The following EHF variants were observed in gnomAD, a reference collection of about 807,000 sequenced individuals.
EHF encodes ESE3 transcription factor.
In EHF, 14 loss-of-function variants were observed where a neutral mutation model predicts 45.1. The ratio of observed to expected loss-of-function variants is 0.31; its 90% CI spans 0.21 to 0.49. The LOEUF is 0.49. Among genes scored for constraint, EHF ranks in the 20% least tolerant of loss-of-function variants. EHF has a pLI of 0.99. For synonymous variants in EHF, 136 were observed against 131.8 expected (o/e 1.03, Z -0.22); for missense variants, 282 against 371.4 (o/e 0.76, Z 1.98).
chr11:34,627,548 A>G (rs1017113655), intron 1 of EHF, among the ~76,000 whole-genome samples: 4 of 152,090 alleles, frequency 2.6e-5, no homozygotes, highest in Non-Finnish European at 2.9e-5. Flanking sequence ...TTGGGAAAAA[A>G]AATTCTACTT....
intron 1 of EHF, chr11:34,622,087 T>C (rs1202270290): frequency 1.3e-5 from 2 of 158,092 alleles, no homozygotes; most frequent in African/African-American, 4.8e-5. Context: ...AGACAGGGAT[T>C]CTTTTGATTT....
At chr11:34,647,254 T>C (rs1269861360) in intron 3 of EHF, among the ~76,000 whole-genome samples, 1 of 151,984 alleles carries the variant, frequency 6.6e-6, no homozygotes, top group South Asian at 2.1e-4. Context: ...AAAAAAAGGG[T>C]TAGAACATAT....
chr11:34,624,092 T>G (rs1852167754), intron 1 of EHF, among the ~76,000 whole-genome samples: 1 of 152,226 alleles, frequency 6.6e-6, no homozygotes, highest in Non-Finnish European at 1.5e-5. Context: ...GAACTCAATC[T>G]AAAGCTTGAA....
intron 2 of EHF, among the ~76,000 whole-genome samples, chr11:34,645,471 G>A (rs902664269): frequency 6.6e-6 from 1 of 152,090 alleles, no homozygotes; most frequent in Admixed American, 6.6e-5. Flanking sequence ...TTTTTTAGGT[G>A]ATACAAAGAC....
In EHF at chr11:34,657,720, G is replaced by T. The variant is rs187398093; in HGVS notation, c.607+750G>T. Among the ~76,000 whole-genome samples, 737 of 151,928 alleles carry T rather than the reference G, an allele frequency of 4.9e-3. 26 individuals carry two copies. The highest frequency in any genetic ancestry group is 0.046 in the Admixed American group (697 of 15,248). On this transcript the variant is annotated intron_variant, in intron 7 of 8. Transcript: ENST00000257831. ...CAGGAGGATTGCTTGAGCCAGGGAG[G>T]TCTAGGCTGTGATGAACTGTAATTG... is the stretch of plus-strand genomic sequence containing the variant.
intron 7 of EHF, among the ~76,000 whole-genome samples, chr11:34,657,863 C>T (rs1410506237): frequency 6.9e-6 from 1 of 144,386 alleles, no homozygotes; most frequent in Non-Finnish European, 1.5e-5. Context: ...CACATAATCC[C>T]ACAAAACCAT....
At chr11:34,644,758 G>T (rs1479000751) in intron 2 of EHF, among the ~76,000 whole-genome samples, 1 of 152,186 alleles carries the variant, frequency 6.6e-6, no homozygotes, top group Admixed American at 6.5e-5. Context: ...CCTTTCTGAG[G>T]CCTTTAGCTA....
intron 1 of EHF, among the ~76,000 whole-genome samples, chr11:34,637,603 T>G (rs1344942918): frequency 6.6e-6 from 1 of 152,214 alleles, no homozygotes; most frequent in Non-Finnish European, 1.5e-5. Context: ...ACTTGCTGCC[T>G]AAGGCTAAAT....
chr11:34,658,578 T>C lies in EHF; in HGVS notation c.653T>C (p.Leu218Ser). 6.2e-7 allele frequency: 1 copy of C among 1,613,622 alleles called. No homozygotes were observed. Among genetic ancestry groups the C allele is most frequent in the Non-Finnish European group, 8.5e-7 (1 of 1,179,696 alleles). The change falls in exon 8 of 9, where the codon TTG becomes TCG. Residue 218 changes from leucine (L) to serine (S), a missense_variant. Coordinates refer to ENST00000257831, the MANE Select transcript of EHF (RefSeq NM_012153.6). The part of the protein sequence containing the change: ...HLWEFIRDIL[L>S]NPDKNPGLIK... ...TGGGAATTCATCCGCGACATCCTCT[T>C]GAACCCAGACAAGAACCCAGGATTA... is the stretch of plus-strand genomic sequence containing the variant.
chr11:34,651,896 G>A (rs191141466), intron 6 of EHF, 91 bp downstream of exon 6: 2 of 1,281,692 alleles, frequency 1.6e-6, no homozygotes, highest in East Asian at 2.3e-5. Context: ...TGCCTTTCTG[G>A]AGTCTTTCTA....
intron 1 of EHF, among the ~76,000 whole-genome samples, chr11:34,624,825 C>T (rs114023237): frequency 0.014 from 2,093 of 152,250 alleles, 55 homozygotes; most frequent in African/African-American, 0.047. Flanking sequence ...GTGATGGGAG[C>T]ACAGTGCAGG....
chr11:34,625,675 T>G (rs896517607), intron 1 of EHF, among the ~76,000 whole-genome samples: 9 of 152,218 alleles, frequency 5.9e-5, no homozygotes, highest in African/African-American at 2.2e-4. Context: ...GGGTTTTAAT[T>G]GACCTTGTTT....
intron 1 of EHF, among the ~76,000 whole-genome samples, chr11:34,629,855 CA>C (rs1422983816): frequency 1.0e-5 from 1 of 99,432 alleles, no homozygotes; most frequent in Non-Finnish European, 2.4e-5. Flanking sequence ...CTTCATTTCC[CA>C]AGGTTTTTTT....
chr11:34,634,750 A>G (rs1329210600), intron 1 of EHF, among the ~76,000 whole-genome samples: 2 of 152,210 alleles, frequency 1.3e-5, no homozygotes, highest in Admixed American at 6.5e-5. Context: ...TTATGCATGC[A>G]TATGAATATA....
intron 7 of EHF, among the ~76,000 whole-genome samples, chr11:34,657,359 C>G (rs1855766716): frequency 6.6e-6 from 1 of 152,172 alleles, no homozygotes; most frequent in African/African-American, 2.4e-5. Context: ...GGCCTCCTAC[C>G]TTTGTGGAGT....
At chr11:34,646,899 A>G in intron 3 of EHF, 2 of 583,578 alleles carry the variant, frequency 3.4e-6, no homozygotes, top group East Asian at 3.1e-5. Context: ...ATGCCAGTGT[A>G]ATTTAATTCT....
chr11:34,658,859 G>A lies in EHF; in HGVS notation c.831G>A (p.Glu277=), dbSNP rs139008764. The change falls in exon 9 of 9, where the codon GAG becomes GAA. Residue 277 remains glutamate (E), a synonymous_variant. Transcript: ENST00000257831. ...MRYYYKREIL[E]RVDGRRLVYK... is the part of the protein sequence containing the mutation. Reference sequence around the variant, plus strand: ...ATTACTACAAAAGAGAAATTCTGGAGCGTGTGGATGGACGAAGACTGGTAT... The same window carrying A: ...ATTACTACAAAAGAGAAATTCTGGAACGTGTGGATGGACGAAGACTGGTAT... The A allele has an allele frequency of 1.1e-5, 18 of 1,612,836 alleles. No homozygotes were observed. The highest frequency in any genetic ancestry group is 5.0e-5 in the Admixed American group (3 of 59,798).
intron 1 of EHF, among the ~76,000 whole-genome samples, chr11:34,640,082 C>A (rs1853836348): frequency 6.6e-6 from 1 of 151,468 alleles, no homozygotes; most frequent in African/African-American, 2.4e-5. Flanking sequence ...TTGATTCTTA[C>A]AGCCCTTTGA....
chr11:34,629,965 A>G (rs567754769), intron 1 of EHF, among the ~76,000 whole-genome samples: 31 of 152,320 alleles, frequency 2.0e-4, no homozygotes, highest in African/African-American at 7.2e-4. Flanking sequence ...GGCCTCTAAC[A>G]GGAAGCCAGA....
Sources: gnomAD v4.1 joint callset for allele counts (sites outside exome capture counted in the v4.1 genomes callset) on GRCh38, gnomAD v4.1.1 for gene constraint, MANE v1.5 for transcripts, NCBI Gene and HGNC (gene_info 2026-07-23, HGNC 2026-07-21) for gene names.